The following GLIPR1L1 variants were observed in gnomAD, a reference collection of about 807,000 sequenced individuals.
The protein encoded by GLIPR1L1 is GLIPR1 like 1.
A neutral mutation model predicts 29.9 loss-of-function variants in GLIPR1L1; 26 were observed. The ratio of observed to expected loss-of-function variants is 0.87; its 90% CI spans 0.64 to 1.21. The LOEUF (loss-of-function observed/expected upper bound fraction) is 1.21. GLIPR1L1 is among the 50% of genes most tolerant of loss of function. GLIPR1L1 has a pLI of 0.00. For missense variants in GLIPR1L1, 305 were observed against 290.3 expected, an observed-to-expected ratio of 1.05 and a Z score of -0.37; for synonymous variants, 77 against 97.5, an observed-to-expected ratio of 0.79 and a Z score of 1.24.
intron 1 of GLIPR1L1, among the ~76,000 whole-genome samples, chr12:75,342,853 C>T (rs920811064): frequency 6.6e-5 from 10 of 151,884 alleles, no homozygotes; most frequent in African/African-American, 1.7e-4. Flanking sequence ...CTTTCAGTTA[C>T]GTTTTTGCAG....
chr12:75,354,693 C>T (rs898673871), intron 3 of GLIPR1L1, among the ~76,000 whole-genome samples: 1 of 152,112 alleles, frequency 6.6e-6, no homozygotes, highest in African/African-American at 2.4e-5. Flanking sequence ...CAGAAAAGAA[C>T]AAAGCTGGAG....
intron 4 of GLIPR1L1, among the ~76,000 whole-genome samples, chr12:75,368,007 A>T (rs1043773011): frequency 1.6e-4 from 24 of 152,088 alleles, no homozygotes; most frequent in African/African-American, 5.8e-4. Context: ...AATAAATGTT[A>T]ACTTTAACAA....
intron 3 of GLIPR1L1, among the ~76,000 whole-genome samples, chr12:75,362,531 C>A (rs539674427): frequency 9.9e-4 from 151 of 152,196 alleles, no homozygotes; most frequent in African/African-American, 3.5e-3. Flanking sequence ...GTGGCATATT[C>A]TTTAATGGAA....
intron 4 of GLIPR1L1, among the ~76,000 whole-genome samples, chr12:75,364,261 T>G (rs544599887): frequency 6.6e-6 from 1 of 152,328 alleles, no homozygotes; most frequent in African/African-American, 2.4e-5. Flanking sequence ...GAACTAGTTT[T>G]CAGGTTAACT....
chr12:75,369,008 T>C (rs570797094), intron 4 of GLIPR1L1, among the ~76,000 whole-genome samples: 64 of 152,106 alleles, frequency 4.2e-4, no homozygotes, highest in African/African-American at 1.5e-3. Flanking sequence ...GACTTGTACT[T>C]TTTCTCTTTT....
At chr12:75,360,497 G>A (rs2043501106) in intron 3 of GLIPR1L1, 1 of 152,128 alleles carries the variant, frequency 6.6e-6, no homozygotes, top group South Asian at 2.1e-4. Context: ...CCCTGCACAA[G>A]TCCAAAATCC....
chr12:75,368,560 G>A (rs1027528290), intron 4 of GLIPR1L1, among the ~76,000 whole-genome samples: 10 of 151,122 alleles, frequency 6.6e-5, no homozygotes, highest in Non-Finnish European at 1.5e-5. Context: ...TTGGTCATGA[G>A]GTTTCCTTAA....
At chr12:75,342,021 G>A (rs1457183892) in intron 1 of GLIPR1L1, among the ~76,000 whole-genome samples, 2 of 152,138 alleles carry the variant, frequency 1.3e-5, no homozygotes, top group Non-Finnish European at 2.9e-5. Flanking sequence ...GGGATTACAG[G>A]CATGAGTCAC....
chr12:75,369,005 AC>A (rs2044180064), intron 4 of GLIPR1L1, among the ~76,000 whole-genome samples: 1 of 151,820 alleles, frequency 6.6e-6, no homozygotes. Context: ...TTTGACTTGT[AC>A]TTTTTCTCTT....
chr12:75,369,392 C>A, intron 4 of GLIPR1L1: 1 of 370,626 alleles, frequency 2.7e-6, no homozygotes. Flanking sequence ...TTATTTTTTG[C>A]TGGTAACCAT....
At chr12:75,344,287 T>C (rs4882688) in intron 2 of GLIPR1L1, among the ~76,000 whole-genome samples, 142,750 of 152,066 alleles carry the variant, frequency 0.94, 67,124 homozygotes, top group East Asian at 1. Flanking sequence ...TTGAAGTTCT[T>C]CCCACATAAA....
intron 3 of GLIPR1L1, among the ~76,000 whole-genome samples, chr12:75,355,067 T>C (rs1225595271): frequency 2.6e-5 from 4 of 152,152 alleles, no homozygotes; most frequent in Non-Finnish European, 5.9e-5. Flanking sequence ...GACATAGGCA[T>C]GGGCAAACGT....
intron 1 of GLIPR1L1, 26 bp downstream of exon 1, chr12:75,334,928 T>C: frequency 1.2e-6 from 2 of 1,602,302 alleles, no homozygotes; most frequent in Non-Finnish European, 1.7e-6. Context: ...GGCTGGGCTC[T>C]TAAATCCCTG....
chr12:75,364,699 G>A (rs1159208879), intron 4 of GLIPR1L1: 1 of 152,190 alleles, frequency 6.6e-6, no homozygotes, highest in African/African-American at 2.4e-5. Flanking sequence ...ATAGCAATTA[G>A]CTACACAGAA....
intron 3 of GLIPR1L1, among the ~76,000 whole-genome samples, chr12:75,350,704 A>T (rs1227777441): frequency 6.6e-6 from 1 of 152,216 alleles, no homozygotes; most frequent in African/African-American, 2.4e-5. Flanking sequence ...CAGCAGATTC[A>T]AAGATCAAAG....
Position 75,370,248 on chromosome 12 carries a change from C to A in GLIPR1L1, c.*72C>A. 1 of 791,490 alleles carries A rather than the reference C, an allele frequency of 1.3e-6. No homozygotes were observed. The highest frequency in any genetic ancestry group is 2.1e-6 in the Non-Finnish European group (1 of 471,082). The allele number at this position is 791,490 out of a possible 1,614,324, so 49.0% of individuals were successfully genotyped here. On this transcript the variant is annotated 3_prime_UTR_variant, in exon 6 of 6. Coordinates refer to ENST00000378695, the MANE Select transcript of GLIPR1L1 (RefSeq NM_001304964.2). ...TAGTTTATTGCTTAATATAACTTAT[C>A]ATCACTTTGCTTCTTTACTGAATCT... is the stretch of plus-strand genomic sequence containing the variant.
chr12:75,346,363 C>T (rs1020614599), intron 2 of GLIPR1L1, among the ~76,000 whole-genome samples: 1 of 152,186 alleles, frequency 6.6e-6, no homozygotes, highest in Non-Finnish European at 1.5e-5. Flanking sequence ...CACTTACTCA[C>T]CAAAACCACA....
At position 75,334,703 on chromosome 12, in the gene GLIPR1L1, A is replaced by G. The variant is rs1192658446; in HGVS notation, c.-26A>G. On this transcript the variant is annotated 5_prime_UTR_variant, in exon 1 of 6. Transcript: ENST00000378695. Reference sequence around the variant, plus strand: ...CGTTACTGGTCCGCGCAGTCAGGGCATCCTCCGCATCCTCCACATCCTTCC... The same window carrying G: ...CGTTACTGGTCCGCGCAGTCAGGGCGTCCTCCGCATCCTCCACATCCTTCC... The G allele has an allele frequency of 6.2e-6, 10 of 1,602,436 alleles. No individual in the cohort carries two copies. Among genetic ancestry groups the G allele is most frequent in the Non-Finnish European group, 8.5e-6 (10 of 1,173,940 alleles).
intron 3 of GLIPR1L1, among the ~76,000 whole-genome samples, chr12:75,351,465 C>T (rs1259565016): frequency 2.0e-5 from 3 of 152,072 alleles, no homozygotes; most frequent in African/African-American, 7.2e-5. Context: ...AAAGGGAAGC[C>T]CATCAGACTA....
Sources: allele counts gnomAD v4.1 joint callset (sites outside exome capture counted in the v4.1 genomes callset), GRCh38; gene constraint gnomAD v4.1.1; transcripts MANE v1.5; gene names NCBI Gene and HGNC (gene_info 2026-07-23, HGNC 2026-07-21).